The following TEX11 variants were observed in gnomAD, a reference collection of about 807,000 sequenced individuals.
The protein encoded by TEX11 is testis expressed 11.
A neutral mutation model predicts 84.4 loss-of-function variants in TEX11; 7 were observed. The ratio of observed to expected loss-of-function variants is 0.08; its 90% CI spans 0.05 to 0.16. TEX11 has a LOEUF of 0.16. Ranked by LOEUF, TEX11 falls within the 10% of genes least tolerant of loss-of-function variation. TEX11 has a pLI of 1.00. For missense variants in TEX11, 551 were observed against 660.5 expected (o/e 0.83, Z 1.82); for synonymous variants, 264 against 222.8 (o/e 1.18, Z -1.64).
intron 18 of TEX11, among the ~76,000 whole-genome samples, chrX:70,626,420 C>T (rs971292846): frequency 2.7e-5 from 3 of 110,236 alleles, no homozygotes; most frequent in African/African-American, 9.9e-5. Flanking sequence ...TTCTGTCTAC[C>T]GCCTCTTACC....
At chrX:70,897,168 T>TATA (rs1437495728) in intron 2 of TEX11, among the ~76,000 whole-genome samples, 2 of 38,639 alleles carry the variant, frequency 5.2e-5, no homozygotes, top group African/African-American at 1.2e-4. Context: ...ATATATATTT[T>TATA]TATATATATG....
chrX:70,813,756 G>A (rs2091271102), intron 8 of TEX11, among the ~76,000 whole-genome samples: 1 of 111,769 alleles, frequency 8.9e-6, no homozygotes, highest in Non-Finnish European at 1.9e-5. Flanking sequence ...TAAAGTCTCA[G>A]GATACAAAAT....
intron 8 of TEX11, among the ~76,000 whole-genome samples, chrX:70,812,439 C>A (rs1282071425): frequency 9.0e-6 from 1 of 110,729 alleles, no homozygotes; most frequent in Non-Finnish European, 1.9e-5. Context: ...GATCTCCTGA[C>A]CTCGTGATCT....
At chrX:70,728,070 A>G (rs2090613185) in intron 11 of TEX11, among the ~76,000 whole-genome samples, 1 of 112,820 alleles carries the variant, frequency 8.9e-6, no homozygotes, top group African/African-American at 3.2e-5. Context: ...TTCAGATTCA[A>G]CCATGTAGAT....
intron 8 of TEX11, among the ~76,000 whole-genome samples, chrX:70,820,199 G>T (rs771823867): frequency 9.0e-6 from 1 of 111,662 alleles, no homozygotes; most frequent in African/African-American, 3.2e-5. Flanking sequence ...AAACAGTATG[G>T]TACTAGAATA....
At chrX:70,677,987 G>A (rs1259066966) in intron 15 of TEX11, among the ~76,000 whole-genome samples, 2 of 108,419 alleles carry the variant, frequency 1.8e-5, no homozygotes, top group Non-Finnish European at 3.8e-5. Context: ...CTAATTTTTT[G>A]TATTTTAGTA....
rs756079044 is a variant in TEX11 at position 70,807,910 on chromosome X, CCTGG to C, written c.607-1124_607-1121del. ...CTTGAGGCCAGGAGTTCAAGATCAGCCTGGCCAACATGGCGAAACCCCGTCTCCA... is the reference window on the plus strand; with the variant it reads ...CTTGAGGCCAGGAGTTCAAGATCAGCCCAACATGGCGAAACCCCGTCTCCA... On this transcript the variant is annotated intron_variant, in intron 8 of 29. Coordinates refer to ENST00000374333, the MANE Select transcript of TEX11 (RefSeq NM_031276.3). Among the ~76,000 whole-genome samples the C allele has an allele frequency of 3.4e-3, 372 of 109,194 alleles. 1 individual carries two copies. The highest frequency in any genetic ancestry group is 6.0e-3 in the Non-Finnish European group (314 of 52,637). 94.8% of individuals were successfully genotyped at this position (109,194 alleles called of 115,157 possible).
chrX:70,652,600 C>A (rs780988897), intron 16 of TEX11, among the ~76,000 whole-genome samples: 6 of 111,875 alleles, frequency 5.4e-5, no homozygotes, highest in Non-Finnish European at 9.4e-5. Context: ...TCATTATTAC[C>A]TGTGCCATAC....
chrX:70,900,927 G>C (rs1354454161), intron 2 of TEX11, among the ~76,000 whole-genome samples: 4 of 111,188 alleles, frequency 3.6e-5, no homozygotes, highest in Non-Finnish European at 5.7e-5. Flanking sequence ...CTGGGCAATG[G>C]AGTGAGACTC....
intron 2 of TEX11, among the ~76,000 whole-genome samples, chrX:70,882,268 T>C (rs1036613930): frequency 1.8e-5 from 2 of 111,076 alleles, no homozygotes; most frequent in Non-Finnish European, 3.8e-5. Flanking sequence ...AACAGATTTT[T>C]AAAAATATTT....
chrX:70,576,400 A>G (rs760264122), intron 25 of TEX11, among the ~76,000 whole-genome samples: 15 of 112,564 alleles, frequency 1.3e-4, no homozygotes, highest in African/African-American at 4.5e-4. Context: ...AATCTCAAGA[A>G]ACAAACCTTT....
chrX:70,522,134 A>G, the TEX11 span, among the ~76,000 whole-genome samples: 1 of 112,084 alleles, frequency 8.9e-6, no homozygotes, highest in Admixed American at 9.5e-5. Flanking sequence ...TGCTGGGATA[A>G]TAGGTATGAA....
intron 13 of TEX11, among the ~76,000 whole-genome samples, chrX:70,693,153 A>G (rs2090251018): frequency 9.0e-6 from 1 of 111,672 alleles, no homozygotes; most frequent in African/African-American, 3.3e-5. Flanking sequence ...AGGCAGGAGA[A>G]TCACTTGAAC....
chrX:70,581,525 C>T (rs775693454), intron 25 of TEX11, among the ~76,000 whole-genome samples: 13 of 110,117 alleles, frequency 1.2e-4, no homozygotes, highest in African/African-American at 3.6e-4. Context: ...GTCTTGATCC[C>T]CTGACCTCGT....
intron 9 of TEX11, among the ~76,000 whole-genome samples, chrX:70,750,581 C>T (rs2090808833): frequency 9.3e-6 from 1 of 107,053 alleles, no homozygotes; most frequent in South Asian, 4.3e-4. Context: ...CCATGGAATA[C>T]TATGCAGCCA....
intron 13 of TEX11, among the ~76,000 whole-genome samples, chrX:70,699,688 A>G (rs748507870): frequency 1.8e-4 from 20 of 111,936 alleles, no homozygotes; most frequent in Non-Finnish European, 3.4e-4. Context: ...AAAACAAACG[A>G]TAAAAGCCTT....
chrX:70,651,561 A>G lies in TEX11; in HGVS notation c.1381-9T>C, dbSNP rs1332518016. 1 of 1,162,033 alleles carries G rather than the reference A, an allele frequency of 8.6e-7. No individual in the cohort carries two copies. The highest frequency in any genetic ancestry group is 1.2e-6 in the Non-Finnish European group (1 of 854,391). ...GCCACTGCCTCTTTGGCCTGGAAAGAAAAACACTGGGTCATTTTAATAAAA... is the reference window on the plus strand; with the variant it reads ...GCCACTGCCTCTTTGGCCTGGAAAGGAAAACACTGGGTCATTTTAATAAAA... On this transcript the variant is annotated splice_polypyrimidine_tract_variant and intron_variant, in intron 16 of 29. Coordinates refer to ENST00000374333, the MANE Select transcript of TEX11 (RefSeq NM_031276.3).
chrX:70,715,830 G>A (rs1416961887), intron 13 of TEX11, among the ~76,000 whole-genome samples: 3 of 112,053 alleles, frequency 2.7e-5, no homozygotes, highest in Non-Finnish European at 5.6e-5. Flanking sequence ...TCCATTGCTG[G>A]TGAGGAGCTG....
At chrX:70,890,944 C>T (rs111305325) in intron 2 of TEX11, among the ~76,000 whole-genome samples, 6,431 of 112,152 alleles carry the variant, frequency 0.057, 444 homozygotes, top group African/African-American at 0.2. Flanking sequence ...ATGGGAGATG[C>T]CTCCCAGTAG....
Sources: allele counts gnomAD v4.1 joint callset (sites outside exome capture counted in the v4.1 genomes callset), GRCh38; gene constraint gnomAD v4.1.1; transcripts MANE v1.5; gene names NCBI Gene and HGNC (gene_info 2026-07-23, HGNC 2026-07-21).